SPIN1: variants seen among roughly 807,000 people sequenced by gnomAD.
The protein encoded by SPIN1 is spindlin 1, also known as spindlin-1.
Under a neutral mutation model 26.0 loss-of-function variants are expected in SPIN1, and 3 were observed. The observed-to-expected ratio is 0.12, with a 90% CI of 0.05 to 0.30. The LOEUF (loss-of-function observed/expected upper bound fraction) is 0.30. SPIN1 is among the 10% of genes least tolerant of loss of function. The pLI is 1.00. For missense variants in SPIN1, 126 were observed against 333.4 expected, an observed-to-expected ratio of 0.38 and a Z score of 4.84; for synonymous variants, 101 against 116.5, an observed-to-expected ratio of 0.87 and a Z score of 0.86.
chr9:88,461,922 TC>T (rs1828585095), intron 3 of SPIN1, among the ~76,000 whole-genome samples: 1 of 152,242 alleles, frequency 6.6e-6, no homozygotes, highest in African/African-American at 2.4e-5. Flanking sequence ...AAGTAATGTT[TC>T]TATAGTGCAT....
At chr9:88,434,440 G>A (rs1458706093) in intron 2 of SPIN1, among the ~76,000 whole-genome samples, 1 of 146,906 alleles carries the variant, frequency 6.8e-6, no homozygotes, top group Non-Finnish European at 1.5e-5. Flanking sequence ...TATAAATTAC[G>A]GTTTTCTTCA....
intron 1 of SPIN1, chr9:88,411,171 G>A (rs1167653933): frequency 7.0e-7 from 1 of 1,429,818 alleles, no homozygotes; most frequent in Non-Finnish European, 9.7e-7. Context: ...TGGGCACCTG[G>A]TCTTTAAGAA....
At chr9:88,399,035 G>GTTT (rs879324006) in intron 1 of SPIN1, among the ~76,000 whole-genome samples, 1 of 141,940 alleles carries the variant, frequency 7.0e-6, no homozygotes, top group Admixed American at 7.1e-5. Flanking sequence ...GGCTTAAGCA[G>GTTT]TTTTTTTTTT....
chr9:88,468,715 G>GATT (rs140315416), intron 5 of SPIN1, 110 bp downstream of exon 5: 95,844 of 623,776 alleles, frequency 0.15, 11,894 homozygotes, highest in African/African-American at 0.52. Flanking sequence ...TTGGATATAT[G>GATT]ATTCTTTTAG....
chr9:88,428,161 C>G (rs930538283), intron 2 of SPIN1, among the ~76,000 whole-genome samples: 1 of 152,144 alleles, frequency 6.6e-6, no homozygotes, highest in Non-Finnish European at 1.5e-5. Context: ...ATTCCAAATT[C>G]AACATGCATT....
intron 2 of SPIN1, among the ~76,000 whole-genome samples, chr9:88,438,524 C>G (rs1828054441): frequency 6.6e-6 from 1 of 152,140 alleles, no homozygotes; most frequent in Admixed American, 6.5e-5. Flanking sequence ...TATTCTGCTC[C>G]TGTTGGGCAA....
chr9:88,436,062 T>C lies in SPIN1; in HGVS notation c.52+9471T>C, dbSNP rs116467445. ...AGTTCAAAATCATTTTGCTTCAATA[T>C]TGACAATATTACTCTCTTGTCTTAC... is the stretch of plus-strand genomic sequence containing the variant. On this transcript the variant is annotated intron_variant, in intron 2 of 5. Transcript: ENST00000375859. Among the ~76,000 whole-genome samples the C allele has an allele frequency of 7.4e-3, 1,131 of 152,154 alleles. 16 individuals are homozygous for C. The highest frequency in any genetic ancestry group is 0.025 in the African/African-American group (1,059 of 41,570).
chr9:88,395,342 A>C (rs1208764205), intron 1 of SPIN1, among the ~76,000 whole-genome samples: 1 of 102,614 alleles, frequency 9.7e-6, no homozygotes, highest in Admixed American at 9.0e-5. Context: ...CGTTCTATGC[A>C]CACTGCTCTG....
chr9:88,395,784 C>T (rs1827039529), intron 1 of SPIN1, among the ~76,000 whole-genome samples: 2 of 151,966 alleles, frequency 1.3e-5, no homozygotes, highest in Admixed American at 6.6e-5. Context: ...TGTGATGGCT[C>T]ACACCTGTAA....
chr9:88,452,548 G>A (rs139565316), intron 3 of SPIN1, among the ~76,000 whole-genome samples: 315 of 152,340 alleles, frequency 2.1e-3, no homozygotes, highest in African/African-American at 5.7e-3. Flanking sequence ...CCAGCAATGA[G>A]AATAGCACTT....
chr9:88,473,529 GATAA>G (rs1327712609), intron 5 of SPIN1, among the ~76,000 whole-genome samples: 5 of 152,088 alleles, frequency 3.3e-5, no homozygotes, highest in African/African-American at 1.2e-4. Context: ...TTTTTTTATA[GATAA>G]ATAGAGCAAG....
intron 3 of SPIN1, among the ~76,000 whole-genome samples, chr9:88,449,779 T>C (rs2118137570): frequency 6.6e-6 from 1 of 152,324 alleles, no homozygotes; most frequent in East Asian, 1.9e-4. Flanking sequence ...TTCTTAGTCA[T>C]AGATTATTAA....
chr9:88,458,592 C>T (rs965872540), intron 3 of SPIN1, among the ~76,000 whole-genome samples: 7 of 152,056 alleles, frequency 4.6e-5, no homozygotes, highest in East Asian at 1.9e-4. Flanking sequence ...GCAGCGACAA[C>T]GAAAAATTCT....
intron 1 of SPIN1, among the ~76,000 whole-genome samples, chr9:88,406,011 G>GTA (rs1390901645): frequency 4.0e-5 from 5 of 126,286 alleles, no homozygotes; most frequent in African/African-American, 2.1e-4. Flanking sequence ...GTGTCTGTGT[G>GTA]TGTGTGTGTG....
chr9:88,462,377 T>G, intron 3 of SPIN1, 119 bp from the exon 4 acceptor site: 4 of 1,384,478 alleles, frequency 2.9e-6, no homozygotes, highest in Non-Finnish European at 3.9e-6. Flanking sequence ...GTGGCAAACA[T>G]GAGTTTGTAC....
chr9:88,408,737 G>C (rs182345359), intron 1 of SPIN1, among the ~76,000 whole-genome samples: 1 of 145,450 alleles, frequency 6.9e-6, no homozygotes, highest in Non-Finnish European at 1.5e-5. Flanking sequence ...GCAATGGCGC[G>C]ATCTCGGCTC....
intron 1 of SPIN1, among the ~76,000 whole-genome samples, chr9:88,398,816 C>A (rs569848895): frequency 6.6e-6 from 1 of 151,984 alleles, no homozygotes; most frequent in East Asian, 1.9e-4. Flanking sequence ...TCAGGTCATC[C>A]GCCTGCCTTG....
chr9:88,431,194 A>T (rs1437272944), intron 2 of SPIN1, among the ~76,000 whole-genome samples: 4 of 146,416 alleles, frequency 2.7e-5, no homozygotes, highest in African/African-American at 1.0e-4. Flanking sequence ...CCTTTTTATG[A>T]TATATTTTAA....
At chr9:88,443,442 C>T (rs1828181323) in intron 2 of SPIN1, among the ~76,000 whole-genome samples, 2 of 152,110 alleles carry the variant, frequency 1.3e-5, no homozygotes, top group Admixed American at 1.3e-4. Context: ...ATATATTGTC[C>T]ATCTATTCTT....
Sources: gnomAD v4.1 joint callset for allele counts (sites outside exome capture counted in the v4.1 genomes callset) on GRCh38, gnomAD v4.1.1 for gene constraint, MANE v1.5 for transcripts, NCBI Gene and HGNC (gene_info 2026-07-23, HGNC 2026-07-21) for gene names.